Variants in PALLD observed in about 807,000 individuals in gnomAD.
PALLD encodes palladin, cytoskeletal associated protein.
PALLD carries 61 observed loss-of-function variants against 123.5 expected under a neutral mutation model. The ratio of observed to expected loss-of-function variants is 0.49; its 90% CI spans 0.40 to 0.61. PALLD has a LOEUF of 0.61. Ranked by LOEUF, PALLD falls within the 20% of genes least tolerant of loss-of-function variation. PALLD has a pLI of 0.00. For synonymous variants in PALLD, 465 were observed against 496.4 expected (o/e 0.94, Z 0.84); for missense variants, 1,273 against 1,377.0 (o/e 0.92, Z 1.20).
intron 2 of PALLD, among the ~76,000 whole-genome samples, chr4:168,665,646 CT>C (rs1231415201): frequency 6.6e-6 from 1 of 152,202 alleles, no homozygotes; most frequent in Non-Finnish European, 1.5e-5. Context: ...GCGGGTCATT[CT>C]GGTCCAGAAC....
rs1432718645 is a variant in PALLD, at chr4:168,772,584, G to A, written c.1964+60661G>A. 2.6e-5 allele frequency among the ~76,000 whole-genome samples: 4 copies of A among 152,062 alleles called. No individual in the cohort carries two copies. The South Asian group carries it at 8.3e-4, about 32-fold the overall frequency. On this transcript the variant is annotated intron_variant, in intron 10 of 21. Coordinates refer to ENST00000505667, the MANE Select transcript of PALLD (RefSeq NM_001166108.2). ...TTAAGTTGAAAGCTTATAAATAGAG[G>A]GTTTCTATATTCTGTGAATGATAGA...
In PALLD at chr4:168,771,589, G is replaced by A. The variant is rs530981657; in HGVS notation, c.1964+59666G>A. The stretch of plus-strand genomic sequence containing the variant: ...AGTCTGGGCATTGACCTTCACTTAA[G>A]CAGGGCATCAGTGTGATGTGGTCCC... On this transcript the variant is annotated intron_variant, in intron 10 of 21. Coordinates refer to ENST00000505667, the MANE Select transcript of PALLD (RefSeq NM_001166108.2). Among the ~76,000 whole-genome samples the A allele has an allele frequency of 5.9e-5, 9 of 152,252 alleles. No individual in the cohort carries two copies. The South Asian group carries it at 1.9e-3, about 32-fold the overall frequency.
chr4:168,621,030 G>T (rs1326693208), intron 2 of PALLD, among the ~76,000 whole-genome samples: 5 of 152,190 alleles, frequency 3.3e-5, no homozygotes, highest in Admixed American at 2.6e-4. Flanking sequence ...CAATCCACAC[G>T]TTGACAAGAC....
chr4:168,785,846 G>GAGATATATATATAT (rs764117358), intron 10 of PALLD, among the ~76,000 whole-genome samples: 6 of 80,916 alleles, frequency 7.4e-5, no homozygotes, highest in East Asian at 2.8e-4. Context: ...AAACTGTAGA[G>GAGATATATATATAT]ATATATATAT....
At chr4:168,609,509 G>A (rs1269097300) in intron 2 of PALLD, among the ~76,000 whole-genome samples, 1 of 152,178 alleles carries the variant, frequency 6.6e-6, no homozygotes, top group Non-Finnish European at 1.5e-5. Context: ...TTGGGCAAGG[G>A]CTGCCCTGTG....
At chr4:168,631,935 G>A (rs1287523114) in intron 2 of PALLD, 7 of 983,296 alleles carry the variant, frequency 7.1e-6, no homozygotes, top group Non-Finnish European at 8.5e-6. Context: ...CAGACATGGA[G>A]GAAATAAAGC....
intron 2 of PALLD, among the ~76,000 whole-genome samples, chr4:168,526,504 C>G (rs762458578): frequency 1.3e-5 from 2 of 151,752 alleles, no homozygotes; most frequent in Non-Finnish European, 2.9e-5. Context: ...GCAAATCAGT[C>G]CTTTTTCACT....
At chr4:168,922,961 CT>C (rs907382952) in intron 18 of PALLD, among the ~76,000 whole-genome samples, 1 of 152,176 alleles carries the variant, frequency 6.6e-6, no homozygotes, top group African/African-American at 2.4e-5. Flanking sequence ...TGGCAAATAG[CT>C]ATCTCTGCGA....
chr4:168,923,351 C>A (rs1236996434), intron 18 of PALLD, among the ~76,000 whole-genome samples: 1 of 152,216 alleles, frequency 6.6e-6, no homozygotes, highest in African/African-American at 2.4e-5. Context: ...TCTTTCCTAG[C>A]TGCTTTGCTG....
At chr4:168,782,415 G>T (rs112567432) in intron 10 of PALLD, among the ~76,000 whole-genome samples, 24 of 152,178 alleles carry the variant, frequency 1.6e-4, no homozygotes, top group African/African-American at 5.1e-4. Flanking sequence ...ACAATGAACA[G>T]AATGTTTCCT....
chr4:168,709,838 T>C (rs911161353), intron 9 of PALLD, among the ~76,000 whole-genome samples: 5 of 151,996 alleles, frequency 3.3e-5, no homozygotes, highest in African/African-American at 1.2e-4. Flanking sequence ...CACAGGGGGC[T>C]TTCTTTAAAA....
chr4:168,904,516 C>T (rs1340926114), intron 15 of PALLD, among the ~76,000 whole-genome samples: 1 of 152,096 alleles, frequency 6.6e-6, no homozygotes, highest in Non-Finnish European at 1.5e-5. Context: ...CCAGTTCGAG[C>T]CTGCAAATTC....
At chr4:168,756,133 A>G (rs759401391) in intron 10 of PALLD, 16 of 174,946 alleles carry the variant, frequency 9.1e-5, no homozygotes, top group Non-Finnish European at 1.6e-4. Context: ...GCAGGAGAAT[A>G]GCTCTATTGT....
At chr4:168,580,950 A>G (rs1770204842) in intron 2 of PALLD, among the ~76,000 whole-genome samples, 1 of 151,908 alleles carries the variant, frequency 6.6e-6, no homozygotes, top group Non-Finnish European at 1.5e-5. Flanking sequence ...GAGGAAAACA[A>G]TGGAAACTGG....
At chr4:168,894,080 C>T (rs544522268) in intron 11 of PALLD, 53 of 183,628 alleles carry the variant, frequency 2.9e-4, no homozygotes, top group Non-Finnish European at 5.3e-4. Flanking sequence ...TGAGCACATA[C>T]TGTTAAATGA....
chr4:168,512,079 G>A lies in PALLD; in HGVS notation c.575G>A (p.Ser192Asn), dbSNP rs781637854. ...AAAGCCGCAAAGCCAAGAAACAGAA[G>A]CCCAAATGGGGAGTCCTCGTCACCA... ...IFKAAKPRNR[S>N]PNGESSSPDS... The change falls in exon 2 of 22, where the codon AGC becomes AAC. Residue 192 changes from serine to asparagine, a missense_variant. This residue lies in a region of PALLD where 944 missense variants were observed against 954.5 expected (regional missense o/e 0.99). Coordinates refer to ENST00000505667, the MANE Select transcript of PALLD (RefSeq NM_001166108.2). 1.9e-6 allele frequency: 3 copies of A among 1,614,220 alleles called. No homozygotes were observed. Among genetic ancestry groups the A allele is most frequent in the East Asian group, 2.2e-5 (1 of 44,890 alleles).
chr4:168,826,863 C>T (rs74685036), intron 10 of PALLD, among the ~76,000 whole-genome samples: 105 of 152,264 alleles, frequency 6.9e-4, no homozygotes, highest in African/African-American at 2.4e-3. Flanking sequence ...GTGGAACTGA[C>T]CCCACTCTGT....
At chr4:168,573,424 TG>T (rs1228362328) in intron 2 of PALLD, among the ~76,000 whole-genome samples, 1 of 152,146 alleles carries the variant, frequency 6.6e-6, no homozygotes, top group African/African-American at 2.4e-5. Flanking sequence ...CAGCTGAGTT[TG>T]TCTGTCTTTC....
intron 17 of PALLD, among the ~76,000 whole-genome samples, chr4:168,919,942 G>A (rs2126438524): frequency 6.6e-6 from 1 of 152,250 alleles, no homozygotes; most frequent in African/African-American, 2.4e-5. Flanking sequence ...ACTATCCACT[G>A]GGTAGGTTCA....
Sources: allele counts gnomAD v4.1 joint callset (sites outside exome capture counted in the v4.1 genomes callset), GRCh38; gene constraint gnomAD v4.1.1; regional missense constraint gnomAD v4.1.1; transcripts MANE v1.5; gene names NCBI Gene and HGNC (gene_info 2026-07-23, HGNC 2026-07-21).